The following RAB22A variants were observed in gnomAD, a reference collection of about 807,000 sequenced individuals.
The protein encoded by RAB22A is ras-related protein Rab-22A.
In RAB22A, 13 loss-of-function variants were observed where a neutral mutation model predicts 30.2. The observed-to-expected ratio is 0.43, with a 90% confidence interval of 0.28 to 0.68. The LOEUF (loss-of-function observed/expected upper bound fraction) is 0.68. Ranked by LOEUF, RAB22A falls within the 30% of genes least tolerant of loss-of-function variation. The probability of loss-of-function intolerance (pLI) is 0.18; values close to 1 mark genes in which losing one functional copy is unlikely to be tolerated. For missense variants in RAB22A, 177 were observed against 246.8 expected, an observed-to-expected ratio of 0.72 and a Z score of 1.89; for synonymous variants, 89 against 87.2, an observed-to-expected ratio of 1.02 and a Z score of -0.11.
intron 2 of RAB22A, among the ~76,000 whole-genome samples, chr20:58,326,504 T>G (rs1018494805): frequency 6.6e-6 from 1 of 152,104 alleles, no homozygotes; most frequent in Non-Finnish European, 1.5e-5. Flanking sequence ...TTTGTTTTGT[T>G]TTTTATTAAA....
rs74805496 is a variant in RAB22A, at chr20:58,321,371, A to G, written c.116+10249A>G. ...AGAGTGAGAACTCCGTGTCAAAAAAAAAAAGTCTATTGTGGTCAGAGAACA... is the reference window on the plus strand; with the variant it reads ...AGAGTGAGAACTCCGTGTCAAAAAAGAAAAGTCTATTGTGGTCAGAGAACA... On this transcript the variant is annotated intron_variant, in intron 2 of 6. Transcript: ENST00000244040. 2.2e-3 allele frequency among the ~76,000 whole-genome samples: 340 copies of G among 152,222 alleles called. 2 individuals carry two copies. Among genetic ancestry groups the G allele is most frequent in the African/African-American group, 7.7e-3 (319 of 41,512 alleles).
chr20:58,310,026 G>A lies in RAB22A; in HGVS notation c.36+14G>A. 1 of 1,268,674 alleles carries A rather than the reference G, an allele frequency of 7.9e-7. No individual in the cohort carries two copies. Among genetic ancestry groups the A allele is most frequent in the East Asian group, 3.1e-5 (1 of 32,148 alleles). 78.6% of individuals were successfully genotyped at this position (1,268,674 alleles called of 1,614,324 possible). On this transcript the variant is annotated intron_variant, in intron 1 of 6. Transcript: ENST00000244040. ...TGTCTGCTCGGGGTGAGTGGCGGCG[G>A]GTCCGGCCGGGAGGGCCACGGGAGG...
intron 2 of RAB22A, among the ~76,000 whole-genome samples, chr20:58,317,592 T>C (rs1177258099): frequency 1.5e-5 from 2 of 137,076 alleles, no homozygotes; most frequent in Non-Finnish European, 3.2e-5. Flanking sequence ...AGAGTCTCGC[T>C]CTGTCGCCCA....
At chr20:58,325,460 G>A (rs1416248176) in intron 2 of RAB22A, among the ~76,000 whole-genome samples, 2 of 152,148 alleles carry the variant, frequency 1.3e-5, no homozygotes, top group African/African-American at 4.8e-5. Flanking sequence ...CTGGGTGAGA[G>A]AGTGAGACTC....
intron 2 of RAB22A, among the ~76,000 whole-genome samples, chr20:58,313,593 T>C (rs1986274251): frequency 6.6e-6 from 1 of 152,164 alleles, no homozygotes; most frequent in African/African-American, 2.4e-5. Flanking sequence ...TCTTCAGCCC[T>C]CCGTCATCTC....
chr20:58,315,103 G>A (rs1035613953), intron 2 of RAB22A, among the ~76,000 whole-genome samples: 1 of 152,064 alleles, frequency 6.6e-6, no homozygotes, highest in Admixed American at 6.6e-5. Flanking sequence ...AGGAGGAGCC[G>A]ACATCACTTA....
intron 2 of RAB22A, among the ~76,000 whole-genome samples, chr20:58,319,936 T>A (rs1413586295): frequency 6.6e-6 from 1 of 152,214 alleles, no homozygotes; most frequent in Non-Finnish European, 1.5e-5. Context: ...GAGAGTTTAA[T>A]ACTGAAATAT....
At chr20:58,336,131 T>C (rs950154650) in intron 2 of RAB22A, among the ~76,000 whole-genome samples, 1 of 152,128 alleles carries the variant, frequency 6.6e-6, no homozygotes, top group Non-Finnish European at 1.5e-5. Context: ...TGCCTCAGCC[T>C]CCTGAGTAGC....
chr20:58,339,172 A>G (rs56238889), intron 2 of RAB22A, among the ~76,000 whole-genome samples: 4,692 of 152,336 alleles, frequency 0.031, 246 homozygotes, highest in African/African-American at 0.11. Flanking sequence ...TGCATGAAGA[A>G]AGTCATATTT....
At chr20:58,316,770 C>T (rs1986348119) in intron 2 of RAB22A, among the ~76,000 whole-genome samples, 1 of 152,208 alleles carries the variant, frequency 6.6e-6, no homozygotes. Flanking sequence ...TGTCACTGAG[C>T]TCGTGAACTC....
intron 2 of RAB22A, among the ~76,000 whole-genome samples, chr20:58,321,765 A>G (rs529202949): frequency 1.2e-4 from 18 of 151,972 alleles, no homozygotes; most frequent in African/African-American, 3.9e-4. Context: ...TATATATATT[A>G]TATGTATGAA....
At chr20:58,343,917 T>C (rs1030261890) in intron 3 of RAB22A, 118 bp downstream of exon 3, 3 of 823,802 alleles carry the variant, frequency 3.6e-6, no homozygotes, top group African/African-American at 1.7e-5. Flanking sequence ...CGGAGACACA[T>C]TTATTTCCAT....
chr20:58,359,783 G>C lies in RAB22A; in HGVS notation c.*80G>C. 4.7e-6 allele frequency: 6 copies of C among 1,286,582 alleles called. 1 individual carries two copies. The South Asian group carries it at 6.3e-5, about 13-fold the overall frequency. 79.7% of individuals were successfully genotyped at this position (1,286,582 alleles called of 1,614,324 possible). ...AGGAGGGCTGGGGTCCCTGCCACCA[G>C]TTTTCACCTAGCCAGTCTTGAGTCT... On this transcript the variant is annotated 3_prime_UTR_variant, in exon 7 of 7. Coordinates refer to ENST00000244040, the MANE Select transcript of RAB22A (RefSeq NM_020673.3).
intron 2 of RAB22A, among the ~76,000 whole-genome samples, 162 bp from the exon 3 acceptor site, chr20:58,343,556 C>T (rs1986894090): frequency 6.6e-6 from 1 of 152,050 alleles, no homozygotes; most frequent in Admixed American, 6.6e-5. Flanking sequence ...GATATGCACT[C>T]AGCATCTGAG....
chr20:58,311,009 CT>C, intron 1 of RAB22A, 33 bp from the exon 2 acceptor site: 1 of 1,543,840 alleles, frequency 6.5e-7, no homozygotes, highest in South Asian at 1.1e-5. Flanking sequence ...AAAAGGTAAA[CT>C]TTTTCTCAGT....
In RAB22A at chr20:58,363,102, C is replaced by G. The variant is rs1987255745; in HGVS notation, c.*3399C>G. 6.6e-6 allele frequency: 1 copy of G among 152,190 alleles called. No individual in the cohort carries two copies. 9.4% of individuals were successfully genotyped at this position (152,190 alleles called of 1,614,324 possible). A position where few individuals can be genotyped will look rare whatever the true frequency, so the allele number is the denominator to read the frequency against. On this transcript the variant is annotated 3_prime_UTR_variant, in exon 7 of 7. Transcript: ENST00000244040. ...TATCCTTTAGCTAACTTTCCTGTAA[C>G]TGTCAAACCAAAATGTCAGTATTTT...
chr20:58,336,277 G>T (rs566668399), intron 2 of RAB22A, among the ~76,000 whole-genome samples: 3 of 152,206 alleles, frequency 2.0e-5, no homozygotes, highest in African/African-American at 7.2e-5. Context: ...CTTCCAAAGT[G>T]CTGGGATTAC....
In RAB22A at chr20:58,362,579, C is replaced by G. The variant is rs752859132; in HGVS notation, c.*2876C>G. 2.0e-5 allele frequency: 3 copies of G among 152,192 alleles called. No individual in the cohort carries two copies. The highest frequency in any genetic ancestry group is 4.4e-5 in the Non-Finnish European group (3 of 68,036). The allele number at this position is 152,192 out of a possible 1,614,324, so 9.4% of individuals were successfully genotyped here. A position where few individuals can be genotyped will look rare whatever the true frequency, so the allele number is the denominator to read the frequency against. ...ATAAGCTCTTTGCAGGCGTCCAATC[C>G]TAGAAACCAATGGTCTCCAGAACTC... On this transcript the variant is annotated 3_prime_UTR_variant, in exon 7 of 7. Coordinates refer to ENST00000244040, the MANE Select transcript of RAB22A (RefSeq NM_020673.3).
At chr20:58,342,723 C>T (rs990448797) in intron 2 of RAB22A, among the ~76,000 whole-genome samples, 4 of 151,942 alleles carry the variant, frequency 2.6e-5, no homozygotes, top group Admixed American at 1.3e-4. Context: ...GAAGACACAC[C>T]CATCTTTGGG....
Sources: allele counts gnomAD v4.1 joint callset (sites outside exome capture counted in the v4.1 genomes callset), GRCh38; gene constraint gnomAD v4.1.1; transcripts MANE v1.5; gene names NCBI Gene and HGNC (gene_info 2026-07-23, HGNC 2026-07-21).